SLCO6A1: variants seen among roughly 807,000 people sequenced by gnomAD.
SLCO6A1 encodes solute carrier organic anion transporter family member 6A1.
Under a neutral mutation model 72.7 loss-of-function variants are expected in SLCO6A1, and 65 were observed. The observed-to-expected ratio is 0.89, with a 90% CI of 0.73 to 1.10. The LOEUF (loss-of-function observed/expected upper bound fraction) is 1.10. Among genes scored for constraint, SLCO6A1 ranks in the 50% least tolerant of loss-of-function variants. The probability of loss-of-function intolerance (pLI) is 0.00; values close to 1 mark genes in which losing one functional copy is unlikely to be tolerated. For missense variants in SLCO6A1, 874 were observed against 872.6 expected (o/e 1.00, Z -0.02); for synonymous variants, 314 against 298.2 (o/e 1.05, Z -0.55).
chr5:102,485,097 C>A (rs1235934954), intron 1 of SLCO6A1, among the ~76,000 whole-genome samples: 2 of 151,336 alleles, frequency 1.3e-5, no homozygotes, highest in Non-Finnish European at 3.0e-5. Context: ...ACTGAAAATA[C>A]AAAATTAGCC....
At chr5:102,443,206 C>T (rs1202534257) in intron 6 of SLCO6A1, among the ~76,000 whole-genome samples, 3 of 151,778 alleles carry the variant, frequency 2.0e-5, no homozygotes, top group Admixed American at 1.3e-4. Context: ...CAAAAAAAGA[C>T]GGAAAAAAAG....
At chr5:102,391,973 T>A (rs1452062) in intron 10 of SLCO6A1, among the ~76,000 whole-genome samples, 93,853 of 151,508 alleles carry the variant, frequency 0.62, 29,222 homozygotes, top group Non-Finnish European at 0.64. Flanking sequence ...CAATTAAAAA[T>A]AATCCTTGAA....
intron 7 of SLCO6A1, among the ~76,000 whole-genome samples, chr5:102,420,632 G>C (rs1307200887): frequency 6.6e-6 from 1 of 152,082 alleles, no homozygotes. Flanking sequence ...AAGACAATCA[G>C]ATGAGATAGC....
chr5:102,457,852 A>C (rs1388927429), intron 6 of SLCO6A1, among the ~76,000 whole-genome samples: 15 of 152,284 alleles, frequency 9.9e-5, no homozygotes, highest in East Asian at 3.9e-4. Context: ...GGAACCAACC[A>C]AAATGTCCAA....
At chr5:102,488,590 T>C (rs762219389) in intron 1 of SLCO6A1, among the ~76,000 whole-genome samples, 6 of 152,182 alleles carry the variant, frequency 3.9e-5, no homozygotes, top group Non-Finnish European at 5.9e-5. Flanking sequence ...AAGAGCTAAC[T>C]AAGCAATGAG....
chr5:102,437,895 A>G (rs2112677326), intron 7 of SLCO6A1, among the ~76,000 whole-genome samples: 1 of 152,106 alleles, frequency 6.6e-6, no homozygotes, highest in East Asian at 1.9e-4. Flanking sequence ...TGCATTTACA[A>G]CTTTCCTATT....
At chr5:102,446,904 A>C (rs142211721) in intron 6 of SLCO6A1, among the ~76,000 whole-genome samples, 3,538 of 152,054 alleles carry the variant, frequency 0.023, 97 homozygotes, top group African/African-American at 0.068. Flanking sequence ...ACAGGCACCC[A>C]CCACTATGCC....
chr5:102,383,013 A>G (rs1302465019), intron 12 of SLCO6A1, among the ~76,000 whole-genome samples: 1 of 148,580 alleles, frequency 6.7e-6, no homozygotes, highest in Non-Finnish European at 1.5e-5. Context: ...TGAAAAGTCT[A>G]TTGTATATAT....
At chr5:102,398,270 C>G (rs182610617) in intron 10 of SLCO6A1, among the ~76,000 whole-genome samples, 3 of 152,054 alleles carry the variant, frequency 2.0e-5, no homozygotes, top group Admixed American at 2.0e-4. Flanking sequence ...GCCTCCGCCC[C>G]GAGTTCAAGC....
At chr5:102,409,405 A>G (rs1038973233) in intron 9 of SLCO6A1, among the ~76,000 whole-genome samples, 4 of 152,124 alleles carry the variant, frequency 2.6e-5, no homozygotes, top group Non-Finnish European at 5.9e-5. Context: ...AATATTTTTT[A>G]AAGGGGATTC....
At chr5:102,495,129 GCCAGAAACAAAAAAA>G (rs142354660) in intron 1 of SLCO6A1, among the ~76,000 whole-genome samples, 2,284 of 152,186 alleles carry the variant, frequency 0.015, 23 homozygotes, top group African/African-American at 0.026. Flanking sequence ...ATTAAAAGAA[GCCAGAAACAAAAAAA>G]CCAGAAACTG....
chr5:102,461,800 TA>T (rs1751053052), intron 4 of SLCO6A1, among the ~76,000 whole-genome samples: 1 of 152,124 alleles, frequency 6.6e-6, no homozygotes, highest in Non-Finnish European at 1.5e-5. Flanking sequence ...CAAACACATT[TA>T]CAAAAGTACT....
chr5:102,431,157 T>C (rs189147593), intron 7 of SLCO6A1, among the ~76,000 whole-genome samples: 12 of 152,206 alleles, frequency 7.9e-5, no homozygotes, highest in Admixed American at 3.3e-4. Context: ...TTATCATTTC[T>C]AATTGTGTTT....
At chr5:102,491,894 C>T (rs139854777) in intron 1 of SLCO6A1, among the ~76,000 whole-genome samples, 64 of 152,376 alleles carry the variant, frequency 4.2e-4, no homozygotes, top group African/African-American at 1.5e-3. Context: ...GGACTGCCAG[C>T]ACGCTGTCAC....
rs758516252 is a variant in SLCO6A1 at position 102,399,712 on chromosome 5, C to T, written c.1657G>A (p.Gly553Arg). 3 of 1,580,272 alleles carry T rather than the reference C, an allele frequency of 1.9e-6. No homozygotes were observed. The highest frequency in any genetic ancestry group is 2.4e-5 in the South Asian group (2 of 84,718). ...MYYNCSCIKE[G>R]LITADAEGDF... The stretch of plus-strand genomic sequence containing the variant: ...CCTTCTGCATCTGCAGTTATTAATC[C>T]TTCTTTAATGCAAGAACAATTGTAG... The change falls in exon 10 of 14, where the codon GGA (glycine) becomes AGA (arginine). Residue 553 changes from glycine to arginine, a missense_variant. Transcript: ENST00000506729.
In SLCO6A1 at chr5:102,480,232, T is replaced by A; in HGVS notation, c.561A>T (p.Leu187Phe). ...SSFLIGLGSL[L>F]CAFPSINEEN... ...CTTCATTAATGGATGGAAAAGCACA[T>A]AAAAGTGATCCAAGTCCTATTAAAA... Residue 187 changes from leucine (L) to phenylalanine (F), a missense_variant, in exon 2 of 14, where the codon TTA becomes TTT. Coordinates refer to ENST00000506729, the MANE Select transcript of SLCO6A1 (RefSeq NM_173488.5). The A allele has an allele frequency of 6.2e-7, 1 of 1,612,816 alleles. No individual in the cohort carries two copies. Among genetic ancestry groups the A allele is most frequent in the Non-Finnish European group, 8.5e-7 (1 of 1,179,328 alleles).
chr5:102,478,480 C>T (rs1752026252), intron 2 of SLCO6A1, among the ~76,000 whole-genome samples: 2 of 152,040 alleles, frequency 1.3e-5, no homozygotes, highest in African/African-American at 4.8e-5. Context: ...AAATAATTTC[C>T]CATTTTAGAC....
rs763316400 is a variant in SLCO6A1 at position 102,419,929 on chromosome 5, A to ATC, written c.1367_1368dup (p.Phe457AspfsTer3). On this transcript the variant is annotated frameshift_variant, in exon 8 of 14. Coordinates refer to ENST00000506729, the MANE Select transcript of SLCO6A1 (RefSeq NM_173488.5). LOFTEE classifies it high-confidence loss of function. ...GATATCACAGATGTAACCATTATAAATCTCATAAGGGCTTTACAAGACATT... is the reference window on the plus strand; with the variant it reads ...GATATCACAGATGTAACCATTATAAATCTCTCATAAGGGCTTTACAAGACATT... 12 of 1,609,798 alleles carry ATC rather than the reference A, an allele frequency of 7.5e-6. No homozygotes were observed. Among genetic ancestry groups the ATC allele is most frequent in the Admixed American group, 1.7e-5 (1 of 58,914 alleles).
At chr5:102,390,725 A>G (rs1442655389) in intron 11 of SLCO6A1, among the ~76,000 whole-genome samples, 3 of 152,160 alleles carry the variant, frequency 2.0e-5, no homozygotes, top group African/African-American at 7.2e-5. Context: ...GATGATTACT[A>G]TATTTCAAAT....
Sources: allele counts gnomAD v4.1 joint callset (sites outside exome capture counted in the v4.1 genomes callset), GRCh38; gene constraint gnomAD v4.1.1; transcripts MANE v1.5; gene names NCBI Gene and HGNC (gene_info 2026-07-23, HGNC 2026-07-21).